LIPA: variants seen among roughly 807,000 people sequenced by gnomAD.
LIPA encodes the protein lipase A, lysosomal acid type.
Under a neutral mutation model 40.6 loss-of-function variants are expected in LIPA, and 26 were observed. That is an observed-to-expected ratio of 0.64 (90% CI 0.47 to 0.89). The LOEUF is 0.89. LIPA is among the 40% of genes least tolerant of loss of function. The pLI, the probability that LIPA is intolerant of heterozygous loss-of-function variation, is 0.00. For synonymous variants in LIPA, 188 were observed against 168.4 expected (o/e 1.12, Z -0.90); for missense variants, 455 against 479.6 (o/e 0.95, Z 0.48).
intron 2 of LIPA, among the ~76,000 whole-genome samples, chr10:89,355,111 C>A (rs1284668308): frequency 6.6e-6 from 1 of 152,098 alleles, no homozygotes; most frequent in African/African-American, 2.4e-5. Context: ...TTGTTATTTG[C>A]AGGAGTAATT....
intron 6 of LIPA, among the ~76,000 whole-genome samples, chr10:89,224,576 T>A (rs533573411): frequency 1.5e-4 from 23 of 152,374 alleles, no homozygotes; most frequent in Non-Finnish European, 2.9e-4. Flanking sequence ...TCATGAAATC[T>A]ATTTCCTCCC....
chr10:89,339,651 C>T, intron 1 of LIPA: 1 of 1,614,196 alleles, frequency 6.2e-7, no homozygotes, highest in Non-Finnish European at 8.5e-7. Flanking sequence ...TGAATGCATA[C>T]TCCGATCTCG....
At chr10:89,268,010 C>T (rs1332652291) in intron 1 of LIPA, among the ~76,000 whole-genome samples, 1 of 152,146 alleles carries the variant, frequency 6.6e-6, no homozygotes, top group Non-Finnish European at 1.5e-5. Context: ...TGTTTATGAA[C>T]ATCAAGTTTA....
At chr10:89,357,104 GTCTGTTATGAATAAGAAAACATGCT>G (rs1260272728) in intron 2 of LIPA, among the ~76,000 whole-genome samples, 7 of 152,166 alleles carry the variant, frequency 4.6e-5, no homozygotes, top group Non-Finnish European at 1.5e-5. Context: ...GTTGAAAGGG[GTCTGTTATGAATAAGAAAACATGCT>G]TCCTATCACT....
At chr10:89,304,615 A>G (rs946420122) in intron 1 of LIPA, among the ~76,000 whole-genome samples, 1 of 152,200 alleles carries the variant, frequency 6.6e-6, no homozygotes, top group African/African-American at 2.4e-5. Context: ...AAAAATTTAA[A>G]TAAGAAAAGG....
chr10:89,362,718 T>C, intron 2 of LIPA: 2 of 725,412 alleles, frequency 2.8e-6, no homozygotes, highest in Middle Eastern at 2.7e-4. Flanking sequence ...TAGAATGGAG[T>C]GTCCTGAGAT....
At chr10:89,356,570 C>T (rs774116507) in intron 2 of LIPA, among the ~76,000 whole-genome samples, 3 of 152,240 alleles carry the variant, frequency 2.0e-5, no homozygotes, top group Admixed American at 1.3e-4. Context: ...ACCTAGGTTG[C>T]GCATTCCTTA....
chr10:89,280,110 C>T lies in LIPA; in HGVS notation c.-1-32461G>A, dbSNP rs140699497. 9.4e-3 allele frequency among the ~76,000 whole-genome samples: 1,432 copies of T among 151,910 alleles called. 15 individuals carry two copies. Among genetic ancestry groups the T allele is most frequent in the Middle Eastern group, 0.024 (7 of 294 alleles). ...ATAAGTACTGACATGGAGAGATACC[C>T]AAGATTTATCATTGAATTGAAAACC... On this transcript the variant is annotated intron_variant, in intron 1 of 5. Coordinates refer to the LIPA transcript ENST00000282673.
chr10:89,362,803 A>T, intron 2 of LIPA: 1 of 482,924 alleles, frequency 2.1e-6, no homozygotes, highest in Non-Finnish European at 3.6e-6. Flanking sequence ...TGCTTTGAAA[A>T]GGCTCTAGAG....
chr10:89,378,416 C>A (rs1205286094), intron 2 of LIPA, among the ~76,000 whole-genome samples: 1 of 152,112 alleles, frequency 6.6e-6, no homozygotes, highest in Non-Finnish European at 1.5e-5. Context: ...ACAGTGGTAA[C>A]ATGATAACCC....
At chr10:89,276,667 C>A in intron 1 of LIPA, among the ~76,000 whole-genome samples, 1 of 152,166 alleles carries the variant, frequency 6.6e-6, no homozygotes, top group Non-Finnish European at 1.5e-5. Flanking sequence ...AACTGTAAGG[C>A]ATTTGAGGGT....
At chr10:89,413,087 AC>A (rs764437724) in intron 1 of LIPA, among the ~76,000 whole-genome samples, 4 of 152,110 alleles carry the variant, frequency 2.6e-5, no homozygotes, top group Non-Finnish European at 4.4e-5. Context: ...GCTCCCACTT[AC>A]AAGTGAGAAC....
intron 2 of LIPA, among the ~76,000 whole-genome samples, chr10:89,393,773 T>C (rs1054076214): frequency 6.6e-6 from 1 of 152,202 alleles, no homozygotes; most frequent in African/African-American, 2.4e-5. Flanking sequence ...TAATACTGAT[T>C]TGTAAATTTT....
chr10:89,223,332 T>C (rs1251632705), intron 7 of LIPA, among the ~76,000 whole-genome samples: 6 of 152,206 alleles, frequency 3.9e-5, no homozygotes, highest in Non-Finnish European at 7.3e-5. Context: ...CTCCTTCCTT[T>C]TGGAGTCCCC....
At chr10:89,317,868 C>A (rs1173174978) in intron 1 of LIPA, among the ~76,000 whole-genome samples, 1 of 152,192 alleles carries the variant, frequency 6.6e-6, no homozygotes, top group Non-Finnish European at 1.5e-5. Context: ...CAGCAGATGT[C>A]TCGGCAGAAA....
intron 2 of LIPA, chr10:89,402,493 A>G: frequency 2.5e-6 from 4 of 1,614,216 alleles, no homozygotes; most frequent in Non-Finnish European, 3.4e-6. Flanking sequence ...GAAGCCCTGA[A>G]GAGCTTAAAA....
In LIPA at chr10:89,250,107, C is replaced by CTTTTTTTTTTTTTTTTTTTTTTT. The variant is rs398038546; in HGVS notation, c.-2+1629_-2+1630insAAAAAAAAAAAAAAAAAAAAAAA. On this transcript the variant is annotated intron_variant, in intron 1 of 9. Coordinates refer to ENST00000336233, the MANE Select transcript of LIPA (RefSeq NM_000235.4). ...TTTTTCTTTTTCTTTTCTTTTCTTT[C>CTTTTTTTTTTTTTTTTTTTTTTT]TTTTTTTTTTTTGAGACAGTCTTGC... Among the ~76,000 whole-genome samples the CTTTTTTTTTTTTTTTTTTTTTTT allele has an allele frequency of 3.2e-4, 31 of 96,064 alleles. 1 individual carries two copies. Among genetic ancestry groups the CTTTTTTTTTTTTTTTTTTTTTTT allele is most frequent in the African/African-American group, 6.4e-4 (14 of 21,968 alleles). 63.0% of individuals were successfully genotyped at this position (96,064 alleles called of 152,430 possible).
At position 89,327,793 on chromosome 10, in the gene LIPA, T is replaced by A. The variant is rs1447832049; in HGVS notation, c.-2+14818A>T. On this transcript the variant is annotated intron_variant, in intron 1 of 5. Coordinates refer to the LIPA transcript ENST00000282673. ...TCTCAAACAAATTTTAGTCACAGTT[T>A]TGAATAACGTACTCTGGCTCAGCCA... 2.1e-5 allele frequency: 9 copies of A among 432,616 alleles called. No individual in the cohort carries two copies. In the East Asian group the frequency reaches 3.7e-4, roughly 18 times the overall value. The allele number at this position is 432,616 out of a possible 1,614,324, so 26.8% of individuals were successfully genotyped here. A position where few individuals can be genotyped will look rare whatever the true frequency, so the allele number is the denominator to read the frequency against.
chr10:89,229,218 C>T (rs2133438226), intron 3 of LIPA, among the ~76,000 whole-genome samples: 1 of 152,164 alleles, frequency 6.6e-6, no homozygotes, highest in Admixed American at 6.5e-5. Context: ...TGTAGAGGAA[C>T]CTTAAATACA....
Sources: gnomAD v4.1 joint callset for allele counts (sites outside exome capture counted in the v4.1 genomes callset) on GRCh38, gnomAD v4.1.1 for gene constraint, MANE v1.5 for transcripts, NCBI Gene and HGNC (gene_info 2026-07-23, HGNC 2026-07-21) for gene names.